KIAA1549L: variants seen among roughly 807,000 people sequenced by gnomAD.
KIAA1549L encodes UPF0606 protein KIAA1549L.
Under a neutral mutation model 160.7 loss-of-function variants are expected in KIAA1549L, and 88 were observed. That is an observed-to-expected ratio of 0.55 (90% CI 0.46 to 0.65). The LOEUF is 0.65. Among genes scored for constraint, KIAA1549L ranks in the 30% least tolerant of loss-of-function variants. The pLI is 0.00. For missense variants in KIAA1549L, 2,258 were observed against 2,437.5 expected (o/e 0.93, Z 1.55); for synonymous variants, 950 against 976.7 (o/e 0.97, Z 0.51).
intron 6 of KIAA1549L, among the ~76,000 whole-genome samples, chr11:33,555,382 G>A (rs570474706): frequency 1.1e-4 from 16 of 152,298 alleles, no homozygotes; most frequent in African/African-American, 3.8e-4. Context: ...AACGAAGTTG[G>A]AGGTCCCATA....
At chr11:33,656,310 A>G (rs986400349) in intron 18 of KIAA1549L, among the ~76,000 whole-genome samples, 1 of 152,178 alleles carries the variant, frequency 6.6e-6, no homozygotes, top group Non-Finnish European at 1.5e-5. Context: ...CTTTTTAACC[A>G]GAAAGTTCTT....
At chr11:33,567,630 C>G (rs188877916) in intron 8 of KIAA1549L, among the ~76,000 whole-genome samples, 169 of 152,342 alleles carry the variant, frequency 1.1e-3, no homozygotes, top group African/African-American at 3.9e-3. Flanking sequence ...AGCCCTGAGC[C>G]AGACCTTGAG....
intron 1 of KIAA1549L, among the ~76,000 whole-genome samples, chr11:33,409,484 AT>A (rs1850743306): frequency 6.6e-6 from 1 of 152,174 alleles, no homozygotes; most frequent in African/African-American, 2.4e-5. Flanking sequence ...CTTCAGTGAC[AT>A]TTTTGCTAAT....
chr11:33,465,030 C>T (rs11603947), intron 1 of KIAA1549L, among the ~76,000 whole-genome samples: 2,547 of 149,284 alleles, frequency 0.017, 34 homozygotes, highest in Middle Eastern at 0.09. Flanking sequence ...ACATTCAACT[C>T]GCATGGGACC....
At chr11:33,627,873 A>T (rs1473860686) in intron 16 of KIAA1549L, among the ~76,000 whole-genome samples, 1 of 149,762 alleles carries the variant, frequency 6.7e-6, no homozygotes, top group Non-Finnish European at 1.5e-5. Flanking sequence ...TTTAATTGTG[A>T]TGTTAGGGTG....
intron 15 of KIAA1549L, among the ~76,000 whole-genome samples, chr11:33,613,794 GT>G (rs1418108443): frequency 6.6e-6 from 1 of 152,064 alleles, no homozygotes; most frequent in African/African-American, 2.4e-5. Flanking sequence ...AAAAGACAAA[GT>G]TTAGGTTCCA....
chr11:33,435,780 A>ATGTGTGTGTGTGTGTGTGTG (rs1307533670), intron 1 of KIAA1549L, among the ~76,000 whole-genome samples: 3 of 18,336 alleles, frequency 1.6e-4, no homozygotes, highest in Admixed American at 1.3e-3. Flanking sequence ...ATATATATAT[A>ATGTGTGTGTGTGTGTGTGTG]TATATATATA....
chr11:33,453,307 A>C (rs1237059260), intron 1 of KIAA1549L, among the ~76,000 whole-genome samples: 1 of 152,204 alleles, frequency 6.6e-6, no homozygotes, highest in Non-Finnish European at 1.5e-5. Flanking sequence ...CTTCTTCCAG[A>C]TCTTGGGATG....
chr11:33,606,468 T>C (rs2133321520), intron 13 of KIAA1549L, among the ~76,000 whole-genome samples, 173 bp from the exon 14 acceptor site: 1 of 152,326 alleles, frequency 6.6e-6, no homozygotes, highest in East Asian at 1.9e-4. Flanking sequence ...AGATCTTAAA[T>C]TTAAAGGAAA....
At chr11:33,510,708 A>G (rs1035256811) in intron 1 of KIAA1549L, among the ~76,000 whole-genome samples, 5 of 152,172 alleles carry the variant, frequency 3.3e-5, no homozygotes, top group African/African-American at 9.6e-5. Context: ...ATCACCTAAC[A>G]TGTGAGGGTG....
intron 1 of KIAA1549L, among the ~76,000 whole-genome samples, chr11:33,396,922 C>T (rs1409481717): frequency 8.0e-5 from 12 of 150,098 alleles, no homozygotes; most frequent in Non-Finnish European, 4.4e-5. Context: ...TGCACTCCAG[C>T]CTTGGTGACA....
chr11:33,472,352 C>T (rs1363572628), intron 1 of KIAA1549L, among the ~76,000 whole-genome samples: 1 of 150,270 alleles, frequency 6.7e-6, no homozygotes, highest in Non-Finnish European at 1.5e-5. Flanking sequence ...AACTCCTGGC[C>T]TCAAGAGATC....
At chr11:33,601,364 A>C (rs1288667303) in intron 13 of KIAA1549L, among the ~76,000 whole-genome samples, 1 of 152,212 alleles carries the variant, frequency 6.6e-6, no homozygotes, top group African/African-American at 2.4e-5. Flanking sequence ...TTATGAAAAC[A>C]TACACTTGTT....
intron 1 of KIAA1549L, among the ~76,000 whole-genome samples, chr11:33,403,035 T>A (rs1263567785): frequency 1.3e-5 from 2 of 152,148 alleles, no homozygotes; most frequent in African/African-American, 4.8e-5. Context: ...TTTCTGAGGA[T>A]CTTGACAACA....
chr11:33,446,772 C>T lies in KIAA1549L; in HGVS notation c.238+69883C>T, dbSNP rs141751896. On this transcript the variant is annotated intron_variant, in intron 1 of 20. Transcript: ENST00000658780. The stretch of plus-strand genomic sequence containing the variant: ...CCACATGGGCGTCTTCATGGTGCTG[C>T]CCTAGTGTCCTGAAATGTGGTAGCT... 1.5e-3 allele frequency among the ~76,000 whole-genome samples: 233 copies of T among 152,110 alleles called. 1 individual carries two copies. Among genetic ancestry groups the T allele is most frequent in the Non-Finnish European group, 2.7e-3 (187 of 68,002 alleles).
intron 1 of KIAA1549L, among the ~76,000 whole-genome samples, chr11:33,427,433 A>C (rs1321980671): frequency 1.3e-5 from 2 of 151,978 alleles, no homozygotes; most frequent in Non-Finnish European, 2.9e-5. Context: ...CCCATCATAG[A>C]TATGCATGCT....
At chr11:33,519,484 CA>C (rs1853429557) in intron 1 of KIAA1549L, among the ~76,000 whole-genome samples, 1 of 152,156 alleles carries the variant, frequency 6.6e-6, no homozygotes, top group Non-Finnish European at 1.5e-5. Flanking sequence ...ACTATTTCAC[CA>C]GCAAATGGCT....
intron 1 of KIAA1549L, among the ~76,000 whole-genome samples, chr11:33,518,138 C>CAAAAAAAAAAAAAAAAAAAA (rs560876643): frequency 1.9e-4 from 11 of 59,414 alleles, no homozygotes; most frequent in African/African-American, 7.2e-4. Flanking sequence ...GACTCTGTCT[C>CAAAAAAAAAAAAAAAAAAAA]AAAAAAAAAA....
chr11:33,621,252 A>G (rs1480257688), intron 16 of KIAA1549L, among the ~76,000 whole-genome samples: 1 of 152,226 alleles, frequency 6.6e-6, no homozygotes, highest in Non-Finnish European at 1.5e-5. Flanking sequence ...CAATTTTCCC[A>G]TAGAACAAGA....
Sources: gnomAD v4.1 joint callset for allele counts (sites outside exome capture counted in the v4.1 genomes callset) on GRCh38, gnomAD v4.1.1 for gene constraint, MANE v1.5 for transcripts, NCBI Gene and HGNC (gene_info 2026-07-23, HGNC 2026-07-21) for gene names.